The following CHRM3 variants were observed in gnomAD, a reference collection of about 807,000 sequenced individuals.
CHRM3 encodes muscarinic acetylcholine receptor M3.
CHRM3 carries 11 observed loss-of-function variants against 41.8 expected under a neutral mutation model. The ratio of observed to expected loss-of-function variants is 0.26; its 90% CI spans 0.17 to 0.44. CHRM3 has a LOEUF of 0.44. CHRM3 is among the 20% of genes least tolerant of loss of function. The pLI is 1.00. For synonymous variants in CHRM3, 297 were observed against 301.4 expected (o/e 0.99, Z 0.15); for missense variants, 571 against 745.4 (o/e 0.77, Z 2.72).
chr1:239,798,309 T>C (rs1215857312), intron 5 of CHRM3, among the ~76,000 whole-genome samples: 2 of 151,826 alleles, frequency 1.3e-5, no homozygotes, highest in Non-Finnish European at 2.9e-5. Flanking sequence ...TTTGGGGGAG[T>C]CAAAAGTTAT....
intron 3 of CHRM3, among the ~76,000 whole-genome samples, chr1:239,631,641 G>A (rs560364740): frequency 6.6e-6 from 1 of 152,080 alleles, no homozygotes. Context: ...TAAGATTCTG[G>A]CCTAGCTGTC....
chr1:239,832,908 A>G (rs980246119), intron 6 of CHRM3, among the ~76,000 whole-genome samples: 3 of 152,194 alleles, frequency 2.0e-5, no homozygotes, highest in Non-Finnish European at 2.9e-5. Context: ...AACGTCATCA[A>G]TCTGTTCCCT....
chr1:239,617,537 C>A (rs1005242573), intron 3 of CHRM3, among the ~76,000 whole-genome samples: 2 of 152,002 alleles, frequency 1.3e-5, no homozygotes, highest in African/African-American at 4.8e-5. Context: ...CCAGCTTGGG[C>A]AAGATGGTGA....
At chr1:239,645,769 A>AACG (rs149063291) in intron 4 of CHRM3, among the ~76,000 whole-genome samples, 3,462 of 152,216 alleles carry the variant, frequency 0.023, 143 homozygotes, top group African/African-American at 0.079. Flanking sequence ...GTAACAAAAG[A>AACG]ACGGCCATAG....
At chr1:239,564,166 TATTGA>T (rs1381541535) in intron 3 of CHRM3, among the ~76,000 whole-genome samples, 3 of 152,190 alleles carry the variant, frequency 2.0e-5, no homozygotes, top group African/African-American at 7.2e-5. Context: ...ACATGTACGG[TATTGA>T]ATTCAAAACT....
chr1:239,426,722 T>G (rs2103135805), intron 1 of CHRM3, among the ~76,000 whole-genome samples: 1 of 152,294 alleles, frequency 6.6e-6, no homozygotes, highest in East Asian at 1.9e-4. Context: ...TAGTTTCTTT[T>G]CTCAAATTGG....
At chr1:239,821,992 T>TCCTTTG (rs1266881405) in intron 5 of CHRM3, among the ~76,000 whole-genome samples, 1 of 152,146 alleles carries the variant, frequency 6.6e-6, no homozygotes, top group Non-Finnish European at 1.5e-5. Flanking sequence ...TGCCTGCTTC[T>TCCTTTG]CCTTTGCCTT....
chr1:239,769,491 A>G (rs568172140), intron 5 of CHRM3, among the ~76,000 whole-genome samples: 3 of 152,354 alleles, frequency 2.0e-5, no homozygotes, highest in African/African-American at 7.2e-5. Flanking sequence ...GAACAGTTGT[A>G]TAAGCACTGT....
chr1:239,635,944 G>A (rs2148892849), intron 4 of CHRM3, among the ~76,000 whole-genome samples: 1 of 152,090 alleles, frequency 6.6e-6, no homozygotes, highest in East Asian at 1.9e-4. Flanking sequence ...TGCTTAGATG[G>A]GAAGAAAAAG....
rs185438274 is a variant in CHRM3, at chr1:239,790,316, C to T, written c.-146-36936C>T. Among the ~76,000 whole-genome samples, 306 of 152,264 alleles carry T rather than the reference C, an allele frequency of 2.0e-3. 2 individuals carry two copies. The highest frequency in any genetic ancestry group is 2.9e-3 in the Non-Finnish European group (198 of 68,034). On this transcript the variant is annotated intron_variant, in intron 5 of 6. Transcript: ENST00000676153. Reference sequence around the variant, plus strand: ...AGAATGATAGGGTTTGGCTGTGTCGCCACCAAATTCTCACCTTGAATTGTA... The same window carrying T: ...AGAATGATAGGGTTTGGCTGTGTCGTCACCAAATTCTCACCTTGAATTGTA...
intron 6 of CHRM3, among the ~76,000 whole-genome samples, chr1:239,856,677 T>C (rs613704): frequency 0.94 from 142,815 of 152,126 alleles, 67,697 homozygotes; most frequent in East Asian, 1. Context: ...AAGCCATGGA[T>C]GATTACAGAC....
At chr1:239,405,697 G>A (rs1460632055) in intron 1 of CHRM3, among the ~76,000 whole-genome samples, 5 of 152,052 alleles carry the variant, frequency 3.3e-5, no homozygotes, top group Non-Finnish European at 5.9e-5. Flanking sequence ...TGTCCAATGA[G>A]CGGGTCAAGT....
rs147558159 is a variant in CHRM3 at position 239,772,371 on chromosome 1, G to A, written c.-146-54881G>A. Among the ~76,000 whole-genome samples the A allele has an allele frequency of 3.6e-3, 554 of 152,170 alleles. 7 individuals carry two copies. The highest frequency in any genetic ancestry group is 0.012 in the African/African-American group (505 of 41,506). ...TCACCATGTTGCCCAGGCTGGTCTC[G>A]AACTCCTGACCTCAGGTGATCCGGC... On this transcript the variant is annotated intron_variant, in intron 5 of 6. Transcript: ENST00000676153.
chr1:239,451,803 C>A (rs1008293827), intron 1 of CHRM3, among the ~76,000 whole-genome samples: 6 of 152,000 alleles, frequency 3.9e-5, no homozygotes, highest in African/African-American at 1.4e-4. Context: ...AATGTACATA[C>A]ATATACATAA....
At chr1:239,565,903 C>CTT (rs1661314290) in intron 3 of CHRM3, among the ~76,000 whole-genome samples, 1 of 142,422 alleles carries the variant, frequency 7.0e-6, no homozygotes, top group African/African-American at 2.6e-5. Flanking sequence ...CTGAAAGCAT[C>CTT]TTTTTTCTTT....
chr1:239,682,015 A>C (rs1368207584), intron 5 of CHRM3, among the ~76,000 whole-genome samples: 1 of 152,236 alleles, frequency 6.6e-6, no homozygotes, highest in Non-Finnish European at 1.5e-5. Flanking sequence ...TATCCAAATA[A>C]TATGCCCGTG....
chr1:239,690,830 T>C (rs893896465), intron 5 of CHRM3, among the ~76,000 whole-genome samples: 6 of 152,004 alleles, frequency 3.9e-5, no homozygotes, highest in African/African-American at 1.4e-4. Context: ...TATATATATA[T>C]ATTTCTGATT....
At chr1:239,611,501 A>G (rs546425736) in intron 3 of CHRM3, among the ~76,000 whole-genome samples, 1 of 143,934 alleles carries the variant, frequency 6.9e-6, no homozygotes, top group Admixed American at 7.4e-5. Context: ...GCTCACTGCA[A>G]CCTCCAACTC....
intron 3 of CHRM3, among the ~76,000 whole-genome samples, chr1:239,602,585 G>C (rs533798180): frequency 1.3e-5 from 2 of 152,240 alleles, no homozygotes; most frequent in East Asian, 3.9e-4. Flanking sequence ...TACAAAGCCT[G>C]TTGGAAGTTG....
Sources: allele counts gnomAD v4.1 joint callset (sites outside exome capture counted in the v4.1 genomes callset), GRCh38; gene constraint gnomAD v4.1.1; transcripts MANE v1.5; gene names NCBI Gene and HGNC (gene_info 2026-07-23, HGNC 2026-07-21).